The following PRMT9 variants were observed in gnomAD, a reference collection of about 807,000 sequenced individuals.
The protein encoded by PRMT9 is protein arginine methyltransferase 9.
A neutral mutation model predicts 83.2 loss-of-function variants in PRMT9; 59 were observed. The ratio of observed to expected loss-of-function variants is 0.71; its 90% CI spans 0.57 to 0.88. The LOEUF (loss-of-function observed/expected upper bound fraction) is 0.88, where lower values mean the gene tolerates loss of function less well. Among genes scored for constraint, PRMT9 ranks in the 40% least tolerant of loss-of-function variants. The probability of loss-of-function intolerance (pLI) is 0.00; values close to 1 mark genes in which losing one functional copy is unlikely to be tolerated. For missense variants in PRMT9, 947 were observed against 1,021.9 expected, an observed-to-expected ratio of 0.93 and a Z score of 1.00; for synonymous variants, 333 against 353.2, an observed-to-expected ratio of 0.94 and a Z score of 0.64.
chr4:147,651,445 G>A (rs189244154), intron 9 of PRMT9, among the ~76,000 whole-genome samples: 1 of 152,062 alleles, frequency 6.6e-6, no homozygotes, highest in South Asian at 2.1e-4. Context: ...AGAGTGAAAA[G>A]GCAACCTATG....
chr4:147,649,060 C>T lies in PRMT9; in HGVS notation c.2045+4792G>A, dbSNP rs137952970. 5.9e-3 allele frequency among the ~76,000 whole-genome samples: 893 copies of T among 152,092 alleles called. 8 individuals carry two copies. Among genetic ancestry groups the T allele is most frequent in the African/African-American group, 0.02 (826 of 41,484 alleles). ...ATGCCTTCAGCAATGAAAAAAATAA[C>T]GTTGTAACTCAAAAGTCTAACAAAC... On this transcript the variant is annotated intron_variant, in intron 9 of 11. Transcript: ENST00000322396.
At chr4:147,663,673 T>G (rs1369590631) in intron 6 of PRMT9, among the ~76,000 whole-genome samples, 2 of 152,162 alleles carry the variant, frequency 1.3e-5, no homozygotes, top group Non-Finnish European at 2.9e-5. Flanking sequence ...GCCAGACAAT[T>G]TCTTGCTAAT....
intron 5 of PRMT9, 26 bp downstream of exon 5, chr4:147,670,615 G>C: frequency 7.5e-7 from 1 of 1,339,806 alleles, no homozygotes; most frequent in Non-Finnish European, 1.1e-6. Context: ...TTCTTAATCA[G>C]TTGTAAGTAT....
At chr4:147,646,330 A>T (rs1484622224) in intron 9 of PRMT9, among the ~76,000 whole-genome samples, 1 of 152,176 alleles carries the variant, frequency 6.6e-6, no homozygotes, top group Non-Finnish European at 1.5e-5. Flanking sequence ...ACAGAACTTT[A>T]TGTTGCTTGA....
In PRMT9 at chr4:147,663,013, T is replaced by C. The variant is rs539150722; in HGVS notation, c.954-1975A>G. On this transcript the variant is annotated intron_variant, in intron 6 of 11. Coordinates refer to ENST00000322396, the MANE Select transcript of PRMT9 (RefSeq NM_138364.4). ...CAGCAAATGGAACTACTAATAATTT[T>C]TTTTTTTTTTTTTGAGACAGAGTCT... Among the ~76,000 whole-genome samples the C allele has an allele frequency of 5.3e-4, 80 of 151,094 alleles. 1 individual carries two copies. Among genetic ancestry groups the C allele is most frequent in the Middle Eastern group, 3.4e-3 (1 of 294 alleles).
intron 1 of PRMT9, 79 bp downstream of exon 1, chr4:147,683,720 C>CGTTT: frequency 1.2e-5 from 13 of 1,049,860 alleles, no homozygotes; most frequent in East Asian, 3.0e-5. Context: ...AGCCCCTCCG[C>CGTTT]TTTTTTTTTT....
Position 147,642,872 on chromosome 4 carries a change from G to A in PRMT9, c.2114C>T (p.Ser705Leu). 1 of 1,613,930 alleles carries A rather than the reference G, an allele frequency of 6.2e-7. No homozygotes were observed. Among genetic ancestry groups the A allele is most frequent in the East Asian group, 2.2e-5 (1 of 44,882 alleles). Residue 705 changes from serine to leucine, a missense_variant, in exon 10 of 12, where the codon TCA becomes TTA. Ser to Leu is a moderately radical substitution (Grantham distance 145, BLOSUM62 -2). Coordinates refer to ENST00000322396, the MANE Select transcript of PRMT9 (RefSeq NM_138364.4). ...AGCATTCTCCTCTAGGAGTGTCTGT[G>A]ATTCCACAAGCAACCCAAACATCAG... ...YVLMFGLLVESQTLLEENAVQ... is the reference protein window; with the variant it reads ...YVLMFGLLVELQTLLEENAVQ...
In PRMT9 at chr4:147,673,012, T is replaced by G. The variant is rs761554573; in HGVS notation, c.690A>C (p.Lys230Asn). 1 of 1,613,838 alleles carries G rather than the reference T, an allele frequency of 6.2e-7. No homozygotes were observed. The highest frequency in any genetic ancestry group is 1.3e-5 in the African/African-American group (1 of 74,904). ...TGTCAAGTGACTTCGTATGTAAGAG[T>G]TTGATCCCTGCTTCCATCTTGTTTG... ...VAANKMEAGI[K>N]LLHTKSLDIE... The change falls in exon 4 of 12, where the codon AAA becomes AAC. Residue 230 changes from lysine (K) to asparagine (N), a missense_variant. Lys to Asn is a moderately conservative substitution (Grantham distance 94). Transcript: ENST00000322396.
At position 147,680,404 on chromosome 4, in the gene PRMT9, A is replaced by C; in HGVS notation, c.257T>G (p.Leu86Ter). 1 of 1,614,052 alleles carries C rather than the reference A, an allele frequency of 6.2e-7. No individual in the cohort carries two copies. The highest frequency in any genetic ancestry group is 8.5e-7 in the Non-Finnish European group (1 of 1,179,896). Residue 86 changes from leucine (L) to a stop codon, truncating the protein, a stop_gained, in exon 2 of 12, where the codon TTA becomes TGA. Transcript: ENST00000322396. LOFTEE classifies it high-confidence loss of function. ...ELDALSRIQDLLGCYEQALEL... is the reference protein window; with the variant it reads ...ELDALSRIQD Reference sequence around the variant, plus strand: ...CAAGGCCTGCTCATAGCAACCAAGTAAGTCTTGTATCCGACTGAGAGCATC... The same window carrying C: ...CAAGGCCTGCTCATAGCAACCAAGTCAGTCTTGTATCCGACTGAGAGCATC...
At chr4:147,657,273 C>G (rs1183530694) in intron 8 of PRMT9, among the ~76,000 whole-genome samples, 1 of 152,060 alleles carries the variant, frequency 6.6e-6, no homozygotes, top group Non-Finnish European at 1.5e-5. Context: ...CGCCCGTAAT[C>G]CCAGCACTTT....
At chr4:147,647,349 G>A (rs1304063553) in intron 9 of PRMT9, among the ~76,000 whole-genome samples, 1 of 151,758 alleles carries the variant, frequency 6.6e-6, no homozygotes, top group Non-Finnish European at 1.5e-5. Context: ...ACTCAGCACA[G>A]GAAGATCGTT....
chr4:147,660,946 A>C lies in PRMT9; in HGVS notation c.1046T>G (p.Ile349Ser). The change falls in exon 7 of 12, where the codon ATT becomes AGT. Residue 349 changes from isoleucine to serine, a missense_variant. Ile to Ser is a moderately radical substitution (Grantham distance 142). Coordinates refer to ENST00000322396, the MANE Select transcript of PRMT9 (RefSeq NM_138364.4). ...AYSSVDTEET[I>S]EPYTTEKMSR... is the part of the protein sequence containing the mutation. ...CATCTTTTCAGTTGTATAAGGTTCA[A>C]TTGTTTCTTCAGTATCTACAGAAGA... 3 of 1,612,920 alleles carry C rather than the reference A, an allele frequency of 1.9e-6. No individual in the cohort carries two copies. The highest frequency in any genetic ancestry group is 2.5e-6 in the Non-Finnish European group (3 of 1,178,944).
At chr4:147,640,811 T>C (rs1392841678) in intron 10 of PRMT9, among the ~76,000 whole-genome samples, 2 of 152,142 alleles carry the variant, frequency 1.3e-5, no homozygotes, top group Non-Finnish European at 2.9e-5. Flanking sequence ...AGCCTCAGCC[T>C]CTTGAGCTCA....
At chr4:147,645,635 GTTA>G (rs943541670) in intron 9 of PRMT9, among the ~76,000 whole-genome samples, 3 of 152,128 alleles carry the variant, frequency 2.0e-5, no homozygotes, top group Non-Finnish European at 4.4e-5. Flanking sequence ...AGTGTTCTCT[GTTA>G]TTATTCTTGC....
intron 9 of PRMT9, among the ~76,000 whole-genome samples, chr4:147,648,553 T>A (rs928230941): frequency 1.3e-5 from 2 of 152,298 alleles, no homozygotes; most frequent in East Asian, 3.9e-4. Flanking sequence ...ATAAGTAAAG[T>A]GTTTCCCTGA....
intron 2 of PRMT9, among the ~76,000 whole-genome samples, chr4:147,675,465 A>G (rs1736008506): frequency 6.6e-6 from 1 of 152,224 alleles, no homozygotes; most frequent in Non-Finnish European, 1.5e-5. Flanking sequence ...TCTTGAAGGT[A>G]GAACTATCTT....
rs1560966328 is a variant in PRMT9, at chr4:147,642,931, T to C, written c.2055A>G (p.Leu685=). Residue 685 remains leucine (L), a synonymous_variant, in exon 10 of 12, where the codon CTA becomes CTG. Coordinates refer to ENST00000322396, the MANE Select transcript of PRMT9 (RefSeq NM_138364.4). The part of the protein sequence containing the change: ...MEKAAISRCL[L]QSGGKIFPQY... ...GAGGAAAGATCTTGCCTCCAGATTG[T>C]AGTAAACACCTAAGAAAAAAAGTAC... The C allele has an allele frequency of 6.2e-7, 1 of 1,613,996 alleles. No homozygotes were observed. Among genetic ancestry groups the C allele is most frequent in the Non-Finnish European group, 8.5e-7 (1 of 1,179,920 alleles).
At chr4:147,639,248 G>A (rs1733221554) in intron 10 of PRMT9, 166 bp from the exon 11 acceptor site, 2 of 600,362 alleles carry the variant, frequency 3.3e-6, no homozygotes, top group East Asian at 6.1e-5. Context: ...CCCACATCAA[G>A]CTAAGGCTGG....
Position 147,684,106 on chromosome 4 carries a change from C to G in PRMT9, c.-119G>C. 8.4e-7 allele frequency: 1 copy of G among 1,188,238 alleles called. No individual in the cohort carries two copies. Among genetic ancestry groups the G allele is most frequent in the Non-Finnish European group, 1.2e-6 (1 of 831,576 alleles). 73.6% of individuals were successfully genotyped at this position (1,188,238 alleles called of 1,614,324 possible). Reference sequence around the variant, plus strand: ...CTCAAAAAACAGCACAGCAAAGTTACCCTCCGCCGCGGGTGAACTCGCCAA... The same window carrying G: ...CTCAAAAAACAGCACAGCAAAGTTAGCCTCCGCCGCGGGTGAACTCGCCAA... On this transcript the variant is annotated 5_prime_UTR_variant, in exon 1 of 12. Transcript: ENST00000322396.
Sources: gnomAD v4.1 joint callset for allele counts (sites outside exome capture counted in the v4.1 genomes callset) on GRCh38, gnomAD v4.1.1 for gene constraint, MANE v1.5 for transcripts, NCBI Gene and HGNC (gene_info 2026-07-23, HGNC 2026-07-21) for gene names.